The following NLRP4 variants were observed in gnomAD, a reference collection of about 807,000 sequenced individuals.
NLRP4 encodes the protein NLR family pyrin domain containing 4, also known as NACHT, LRR and PYD domains-containing protein 4.
In NLRP4, 44 loss-of-function variants were observed where a neutral mutation model predicts 84.7. The ratio of observed to expected loss-of-function variants is 0.52; its 90% CI spans 0.41 to 0.67. NLRP4 has a LOEUF of 0.67. NLRP4 is among the 30% of genes least tolerant of loss of function. The pLI is 0.00. For synonymous variants in NLRP4, 544 were observed against 476.4 expected, an observed-to-expected ratio of 1.14 and a Z score of -1.85; for missense variants, 1,260 against 1,219.4, an observed-to-expected ratio of 1.03 and a Z score of -0.50.
chr19:55,845,128 A>T (rs1983745646), intron 1 of NLRP4, among the ~76,000 whole-genome samples: 1 of 149,056 alleles, frequency 6.7e-6, no homozygotes, highest in South Asian at 2.2e-4. Context: ...TGCACCCATT[A>T]ACTCGTCATT....
intron 1 of NLRP4, among the ~76,000 whole-genome samples, chr19:55,840,678 G>T (rs765573151): frequency 2.0e-5 from 3 of 152,136 alleles, no homozygotes; most frequent in African/African-American, 7.2e-5. Context: ...GATTATAGGC[G>T]TGAGCCACAG....
At position 55,861,513 on chromosome 19, in the gene NLRP4, C is replaced by CT. The variant is rs1320935929; in HGVS notation, c.1985dup (p.Arg663GlufsTer14). On this transcript the variant is annotated frameshift_variant, in exon 4 of 10. Transcript: ENST00000301295. LOFTEE classifies it high-confidence loss of function. The stretch of plus-strand genomic sequence containing the variant: ...GACCTTTGTGACCTGGTGTAACCAG[C>CT]TGAGGCATCCCAGCTGTCGCCTTCA... The CT allele has an allele frequency of 6.2e-7, 1 of 1,614,136 alleles. No individual in the cohort carries two copies. The highest frequency in any genetic ancestry group is 2.2e-5 in the East Asian group (1 of 44,874).
chr19:55,857,048 A>G (rs891985497), intron 2 of NLRP4, among the ~76,000 whole-genome samples: 2 of 152,230 alleles, frequency 1.3e-5, no homozygotes, highest in African/African-American at 4.8e-5. Flanking sequence ...AATTGAGTAC[A>G]TGCTATAGAC....
intron 1 of NLRP4, among the ~76,000 whole-genome samples, chr19:55,849,159 A>C (rs1440700580): frequency 6.6e-6 from 1 of 152,148 alleles, no homozygotes; most frequent in Non-Finnish European, 1.5e-5. Flanking sequence ...GAATCCATCC[A>C]TCTAAGCTAC....
At chr19:55,844,574 C>A (rs937749029) in intron 1 of NLRP4, among the ~76,000 whole-genome samples, 2 of 152,174 alleles carry the variant, frequency 1.3e-5, no homozygotes, top group African/African-American at 4.8e-5. Flanking sequence ...CTGTGCCCGG[C>A]CAGATTTTCC....
rs189276553 is a variant in NLRP4, at chr19:55,849,815, T to C, written c.-65-2201T>C. ...AAAGCTGCGGTGTAATTTCCAAAGCTGCGGTGTAATTTCCGAAGCTGCGGT... is the reference window on the plus strand; with the variant it reads ...AAAGCTGCGGTGTAATTTCCAAAGCCGCGGTGTAATTTCCGAAGCTGCGGT... On this transcript the variant is annotated intron_variant, in intron 1 of 9. Transcript: ENST00000301295. 6.8e-3 allele frequency among the ~76,000 whole-genome samples: 1,021 copies of C among 149,946 alleles called. 33 individuals are homozygous for C. The highest frequency in any genetic ancestry group is 0.012 in the African/African-American group (478 of 40,316).
intron 5 of NLRP4, among the ~76,000 whole-genome samples, chr19:55,865,882 T>G (rs1354415685): frequency 6.6e-6 from 1 of 152,220 alleles, no homozygotes; most frequent in African/African-American, 2.4e-5. Flanking sequence ...GTCGTTTCAC[T>G]TTCTTAATGG....
chr19:55,842,816 G>C (rs1049771702), intron 1 of NLRP4, among the ~76,000 whole-genome samples: 2 of 151,942 alleles, frequency 1.3e-5, no homozygotes, highest in African/African-American at 4.8e-5. Context: ...CTGGAGTGGA[G>C]AGGTGCGATC....
intron 1 of NLRP4, among the ~76,000 whole-genome samples, chr19:55,841,184 G>A (rs1314342241): frequency 6.6e-6 from 1 of 152,152 alleles, no homozygotes; most frequent in Non-Finnish European, 1.5e-5. Flanking sequence ...CCGCCACACT[G>A]TTATTTGCTT....
intron 1 of NLRP4, among the ~76,000 whole-genome samples, chr19:55,839,651 T>G (rs1220842873): frequency 3.9e-5 from 6 of 152,160 alleles, no homozygotes; most frequent in Non-Finnish European, 7.3e-5. Context: ...CTGTTTCTGG[T>G]ATTAATTGCT....
chr19:55,873,775 C>A (rs1027689586), intron 7 of NLRP4, among the ~76,000 whole-genome samples: 9 of 152,086 alleles, frequency 5.9e-5, no homozygotes, highest in Non-Finnish European at 1.0e-4. Flanking sequence ...AATTATCTTC[C>A]TACTCAGTTG....
chr19:55,841,570 A>G (rs867938501), intron 1 of NLRP4, among the ~76,000 whole-genome samples: 8 of 152,074 alleles, frequency 5.3e-5, no homozygotes. Context: ...GTTATTAGTA[A>G]TAGTGCTGCA....
rs1403834318 is a variant in NLRP4, at chr19:55,842,879, C to A, written c.-66+5945C>A. On this transcript the variant is annotated intron_variant, in intron 1 of 9. Transcript: ENST00000301295. ...GGTTCACGCCGTTCTCCTGCCTCAG[C>A]CTCCCCAGTAGCTGAGACTACAGGT... Among the ~76,000 whole-genome samples the A allele has an allele frequency of 2.0e-5, 3 of 152,054 alleles. No individual in the cohort carries two copies. In the East Asian group the frequency reaches 5.8e-4, roughly 29 times the overall value.
Position 55,851,733 on chromosome 19 carries a change from A to AGGCTGCGGTGT in NLRP4, c.-65-283_-65-282insGGCTGCGGTGT, listed in dbSNP as rs1568660200. 6.3e-4 allele frequency among the ~76,000 whole-genome samples: 93 copies of AGGCTGCGGTGT among 148,668 alleles called. 2 individuals are homozygous for AGGCTGCGGTGT. Among genetic ancestry groups the AGGCTGCGGTGT allele is most frequent in the African/African-American group, 2.3e-3 (89 of 39,062 alleles). ...GTCCGAGGCTGCGGTGTAATTTCCG[A>AGGCTGCGGTGT]AGCTGCGGTGTAATTTCCAAAAATG... On this transcript the variant is annotated intron_variant, in intron 1 of 9. Transcript: ENST00000301295.
rs1363347943 is a variant in NLRP4, at chr19:55,878,901, A to C, written c.2804A>C (p.His935Pro). The C allele has an allele frequency of 6.2e-7, 1 of 1,613,956 alleles. No individual in the cohort carries two copies. Among genetic ancestry groups the C allele is most frequent in the East Asian group, 2.2e-5 (1 of 44,868 alleles). Reference sequence around the variant, plus strand: ...AACCTGACCTTGAACACCTTGGACCACACAGGGGTGGTTGTACTCTGTGAG... The same window carrying C: ...AACCTGACCTTGAACACCTTGGACCCCACAGGGGTGGTTGTACTCTGTGAG... ...QLNLTLNTLD[H>P]TGVVVLCEAL... The change falls in exon 9 of 10, where the codon CAC becomes CCC. Residue 935 changes from histidine to proline, a missense_variant. By Grantham distance (77) the His-to-Pro change is moderately conservative. This residue lies in a region of NLRP4 where 544 missense variants were observed against 531.7 expected (regional missense o/e 1.02). Coordinates refer to ENST00000301295, the MANE Select transcript of NLRP4 (RefSeq NM_134444.5).
rs113125142 is a variant in NLRP4 at position 55,856,735 on chromosome 19, T to G, written c.281-939T>G. On this transcript the variant is annotated intron_variant, in intron 2 of 9. Transcript: ENST00000301295. ...TTCACCATGTTGGCCAGGATGGTCT[T>G]GATCTCTTGACTTCATGATCTGCCC... 6.6e-5 allele frequency among the ~76,000 whole-genome samples: 10 copies of G among 152,118 alleles called. No individual in the cohort carries two copies. In the South Asian group the frequency reaches 1.9e-3, roughly 28 times the overall value.
rs561618981 is a variant in NLRP4 at position 55,847,700 on chromosome 19, C to T, written c.-65-4316C>T. ...GATTATTCTTTCTTCAGATTCCCCC[C>T]TTTTTACCTAATATCCTTTTTTTTT... On this transcript the variant is annotated intron_variant, in intron 1 of 9. Coordinates refer to ENST00000301295, the MANE Select transcript of NLRP4 (RefSeq NM_134444.5). Among the ~76,000 whole-genome samples the T allele has an allele frequency of 6.0e-5, 9 of 150,900 alleles. No homozygotes were observed. In the South Asian group the frequency reaches 1.9e-3, roughly 32 times the overall value.
At chr19:55,849,953 GACTGCGGTGTAATTTCCGTA>G (rs1983975153) in intron 1 of NLRP4, among the ~76,000 whole-genome samples, 1 of 94,038 alleles carries the variant, frequency 1.1e-5, no homozygotes, top group African/African-American at 6.7e-5. Context: ...TAATTTCCGA[GACTGCGGTGTAATTTCCGTA>G]GCTGCGGTGT....
At chr19:55,841,723 G>T (rs2122993007) in intron 1 of NLRP4, among the ~76,000 whole-genome samples, 1 of 152,126 alleles carries the variant, frequency 6.6e-6, no homozygotes, top group Non-Finnish European at 1.5e-5. Context: ...AAGTTAGCCG[G>T]GCATGGTGGC....
Sources: allele counts gnomAD v4.1 joint callset (sites outside exome capture counted in the v4.1 genomes callset), GRCh38; gene constraint gnomAD v4.1.1; regional missense constraint gnomAD v4.1.1; transcripts MANE v1.5; gene names NCBI Gene and HGNC (gene_info 2026-07-23, HGNC 2026-07-21).